CFAP77: variants seen among roughly 807,000 people sequenced by gnomAD.
CFAP77 encodes the protein cilia and flagella associated protein 77.
Under a neutral mutation model 31.1 loss-of-function variants are expected in CFAP77, and 25 were observed. The ratio of observed to expected loss-of-function variants is 0.80; its 90% CI spans 0.59 to 1.12. CFAP77 has a LOEUF of 1.12. CFAP77 is among the 50% of genes most tolerant of loss of function. The pLI is 0.00. For missense variants in CFAP77, 377 were observed against 397.3 expected, an observed-to-expected ratio of 0.95 and a Z score of 0.44; for synonymous variants, 151 against 159.9, an observed-to-expected ratio of 0.94 and a Z score of 0.42.
intron 5 of CFAP77, among the ~76,000 whole-genome samples, chr9:132,557,519 C>T (rs1852923492): frequency 6.6e-6 from 1 of 152,224 alleles, no homozygotes; most frequent in Admixed American, 6.5e-5. Context: ...AAGATTTAAT[C>T]AGGGACCTCA....
intron 1 of CFAP77, among the ~76,000 whole-genome samples, chr9:132,437,986 C>T (rs1850540433): frequency 1.3e-5 from 2 of 151,534 alleles, no homozygotes; most frequent in Middle Eastern, 3.4e-3. Flanking sequence ...GAGGCCAACA[C>T]CTGAGGTCAT....
intron 1 of CFAP77, among the ~76,000 whole-genome samples, chr9:132,441,869 A>G (rs1850620804): frequency 6.6e-6 from 1 of 152,202 alleles, no homozygotes; most frequent in Non-Finnish European, 1.5e-5. Context: ...CTGGAGACGC[A>G]GAGTCTCAGC....
Position 132,475,605 on chromosome 9 carries a change from A to G in CFAP77, c.196-23090A>G, listed in dbSNP as rs1851336848. On this transcript the variant is annotated intron_variant, in intron 1 of 5. Transcript: ENST00000393216. ...AGAAGTGTCTCGGTTAGGAGCAGGA[A>G]GAACAAAGAAGCCACATGAAATTGG... Among the ~76,000 whole-genome samples, 5 of 152,200 alleles carry G rather than the reference A, an allele frequency of 3.3e-5. No homozygotes were observed. In the South Asian group the frequency reaches 1.0e-3, roughly 32 times the overall value.
intron 5 of CFAP77, among the ~76,000 whole-genome samples, chr9:132,569,728 CTTTTTTT>C (rs558402201): frequency 3.0e-5 from 3 of 98,504 alleles, no homozygotes; most frequent in East Asian, 3.3e-4. Flanking sequence ...TCTAGCTGCC[CTTTTTTT>C]TTTTTTTTTT....
At chr9:132,524,716 T>A (rs186334989) in intron 3 of CFAP77, among the ~76,000 whole-genome samples, 11,158 of 151,516 alleles carry the variant, frequency 0.074, 495 homozygotes, top group South Asian at 0.12. Flanking sequence ...TGGCGTGATC[T>A]CGGCTCACTG....
chr9:132,412,520 A>G (rs1369129494), intron 1 of CFAP77, among the ~76,000 whole-genome samples: 2 of 152,152 alleles, frequency 1.3e-5, no homozygotes, highest in Non-Finnish European at 1.5e-5. Context: ...GCAAAAGGGA[A>G]CCTTGACTGT....
intron 5 of CFAP77, among the ~76,000 whole-genome samples, chr9:132,570,747 C>T (rs1419923813): frequency 2.6e-5 from 4 of 152,228 alleles, no homozygotes; most frequent in Non-Finnish European, 5.9e-5. Context: ...CAACGCTCCA[C>T]AGCCCCCTGC....
chr9:132,488,611 C>T (rs981907632), intron 1 of CFAP77, among the ~76,000 whole-genome samples: 12 of 152,236 alleles, frequency 7.9e-5, no homozygotes, highest in Non-Finnish European at 1.5e-4. Context: ...GACCTTCGTT[C>T]CTGGGTCCCA....
chr9:132,413,098 A>G (rs1850037831), intron 1 of CFAP77, among the ~76,000 whole-genome samples: 1 of 152,188 alleles, frequency 6.6e-6, no homozygotes, highest in Non-Finnish European at 1.5e-5. Flanking sequence ...CATTTATTCT[A>G]CCATATTGGG....
At chr9:132,426,446 T>C (rs1564200036) in intron 1 of CFAP77, among the ~76,000 whole-genome samples, 1 of 152,122 alleles carries the variant, frequency 6.6e-6, no homozygotes, top group Non-Finnish European at 1.5e-5. Context: ...CAGTAATGTC[T>C]TCAAACAGGG....
At chr9:132,443,994 G>A (rs1380637906) in intron 1 of CFAP77, among the ~76,000 whole-genome samples, 1 of 152,236 alleles carries the variant, frequency 6.6e-6, no homozygotes, top group African/African-American at 2.4e-5. Context: ...ATTCTGAGCT[G>A]GGCCCTGGAT....
Position 132,539,574 on chromosome 9 carries a change from A to G in CFAP77, c.630+1868A>G, listed in dbSNP as rs114820535. Among the ~76,000 whole-genome samples, 339 of 152,240 alleles carry G rather than the reference A, an allele frequency of 2.2e-3. 1 individual carries two copies. The highest frequency in any genetic ancestry group is 8.0e-3 in the African/African-American group (332 of 41,546). Reference sequence around the variant, plus strand: ...AGCCTGGGGCTCAGCAACAGCGCCTATGATGTTCTAGGGCCAACCAGGGGA... The same window carrying G: ...AGCCTGGGGCTCAGCAACAGCGCCTGTGATGTTCTAGGGCCAACCAGGGGA... On this transcript the variant is annotated intron_variant, in intron 4 of 5. Transcript: ENST00000393216. This position sits in a 1 kb window ranked among gnomAD's most constrained non-coding sequence, Gnocchi z 4.3.
intron 1 of CFAP77, among the ~76,000 whole-genome samples, chr9:132,428,340 G>A (rs1249556744): frequency 6.6e-6 from 1 of 151,984 alleles, no homozygotes; most frequent in East Asian, 2.0e-4. Context: ...ACTGCAAGGA[G>A]CCGGGCACAG....
intron 3 of CFAP77, among the ~76,000 whole-genome samples, chr9:132,535,314 A>G (rs895092513): frequency 6.6e-6 from 1 of 152,210 alleles, no homozygotes; most frequent in Non-Finnish European, 1.5e-5. Flanking sequence ...AACTAACAAT[A>G]TCAACATTAT....
At chr9:132,457,705 C>T (rs893663713) in intron 1 of CFAP77, among the ~76,000 whole-genome samples, 2 of 152,216 alleles carry the variant, frequency 1.3e-5, no homozygotes, top group Non-Finnish European at 2.9e-5. Context: ...GGGAGCGTTC[C>T]GCACGCCACC....
intron 1 of CFAP77, among the ~76,000 whole-genome samples, chr9:132,452,756 G>C (rs989865427): frequency 2.0e-5 from 3 of 152,034 alleles, no homozygotes; most frequent in African/African-American, 7.2e-5. Flanking sequence ...GCTGAGATGG[G>C]GTGCCTCATG....
chr9:132,422,752 CCAA>C (rs1850241961), intron 1 of CFAP77, among the ~76,000 whole-genome samples: 2 of 152,240 alleles, frequency 1.3e-5, no homozygotes, highest in East Asian at 3.9e-4. Context: ...GGTCCAGAAA[CCAA>C]CAAGAGGCTG....
At chr9:132,521,630 G>A (rs1181622164) in intron 3 of CFAP77, among the ~76,000 whole-genome samples, 2 of 152,148 alleles carry the variant, frequency 1.3e-5, no homozygotes, top group East Asian at 1.9e-4. Context: ...AGGAGTCCAG[G>A]AAGAAGTATG....
intron 1 of CFAP77, among the ~76,000 whole-genome samples, chr9:132,450,842 A>G (rs1187934981): frequency 6.6e-6 from 1 of 152,216 alleles, no homozygotes; most frequent in Non-Finnish European, 1.5e-5. Context: ...GGAGGAGGCT[A>G]TGGCAGTTGT....
Sources: allele counts gnomAD v4.1 joint callset (sites outside exome capture counted in the v4.1 genomes callset), GRCh38; gene constraint gnomAD v4.1.1; non-coding constraint Gnocchi (gnomAD v3.1); transcripts MANE v1.5; gene names NCBI Gene and HGNC (gene_info 2026-07-23, HGNC 2026-07-21).